Variants in HDAC9 observed in about 807,000 individuals in gnomAD.
HDAC9 encodes the protein MEF-2 interacting transcription repressor (MITR) protein.
Under a neutral mutation model 139.4 loss-of-function variants are expected in HDAC9, and 41 were observed. That is an observed-to-expected ratio of 0.29 (90% CI 0.23 to 0.38). The LOEUF (loss-of-function observed/expected upper bound fraction) is 0.38. HDAC9 is among the 10% of genes least tolerant of loss of function. HDAC9 has a pLI of 1.00. For synonymous variants in HDAC9, 517 were observed against 476.2 expected (o/e 1.09, Z -1.12); for missense variants, 1,147 against 1,297.0 (o/e 0.88, Z 1.78).
chr7:18,762,098 C>G (rs889814712), intron 14 of HDAC9, 59 bp from the exon 15 acceptor site: 2 of 1,594,620 alleles, frequency 1.3e-6, no homozygotes, highest in African/African-American at 1.3e-5. Context: ...GACTTGGGGT[C>G]TCATTTTCTT....
intron 1 of HDAC9, among the ~76,000 whole-genome samples, chr7:18,118,094 C>T (rs1383904964): frequency 6.6e-6 from 1 of 152,186 alleles, no homozygotes; most frequent in Non-Finnish European, 1.5e-5. Flanking sequence ...GGGAGTTTAA[C>T]CCCATAGTAA....
intron 1 of HDAC9, among the ~76,000 whole-genome samples, chr7:18,403,732 A>G (rs145620943): frequency 7.4e-4 from 112 of 152,332 alleles, no homozygotes; most frequent in African/African-American, 2.6e-3. Context: ...AGCAAGGCAA[A>G]AACAGTTCTT....
intron 1 of HDAC9, among the ~76,000 whole-genome samples, chr7:18,398,762 A>G (rs755883363): frequency 7.2e-5 from 11 of 152,252 alleles, no homozygotes; most frequent in South Asian, 2.1e-4. Context: ...TATATGCTGT[A>G]TTTTAGCCCC....
intron 1 of HDAC9, among the ~76,000 whole-genome samples, chr7:18,365,406 G>C (rs928825728): frequency 6.6e-6 from 1 of 152,092 alleles, no homozygotes; most frequent in Non-Finnish European, 1.5e-5. Flanking sequence ...GGGAGACATA[G>C]TAGTGTATGC....
intron 1 of HDAC9, among the ~76,000 whole-genome samples, chr7:18,438,082 ATAAT>A (rs1562987162): frequency 6.7e-6 from 1 of 150,328 alleles, no homozygotes; most frequent in African/African-American, 2.4e-5. Context: ...GTTTATATAT[ATAAT>A]AAATTTATTA....
At chr7:18,688,276 A>T (rs188785872) in intron 12 of HDAC9, among the ~76,000 whole-genome samples, 2 of 151,972 alleles carry the variant, frequency 1.3e-5, no homozygotes, top group East Asian at 3.9e-4. Context: ...GCTGTTTTAT[A>T]AAGCTCAGTC....
At chr7:18,267,925 A>G (rs757271592) in intron 2 of HDAC9, among the ~76,000 whole-genome samples, 34 of 152,122 alleles carry the variant, frequency 2.2e-4, no homozygotes, top group Non-Finnish European at 3.7e-4. Flanking sequence ...CACTCTTAAA[A>G]TACCAACAAA....
intron 1 of HDAC9, among the ~76,000 whole-genome samples, chr7:18,481,557 G>C (rs1586199323): frequency 6.6e-6 from 1 of 152,052 alleles, no homozygotes; most frequent in East Asian, 1.9e-4. Context: ...GAGTACCAGG[G>C]TATTTTTGTC....
chr7:18,655,378 A>G (rs564270723), intron 11 of HDAC9, among the ~76,000 whole-genome samples: 2 of 152,306 alleles, frequency 1.3e-5, no homozygotes, highest in East Asian at 1.9e-4. Context: ...TTATCTATCT[A>G]TAGAGGTTTA....
intron 2 of HDAC9, among the ~76,000 whole-genome samples, chr7:18,186,321 A>G (rs1028429740): frequency 6.6e-6 from 1 of 152,240 alleles, no homozygotes; most frequent in Non-Finnish European, 1.5e-5. Context: ...CCAAAAAGAC[A>G]GTCTTGATAT....
chr7:18,801,997 C>T (rs562882875), intron 17 of HDAC9, among the ~76,000 whole-genome samples: 60 of 151,896 alleles, frequency 4.0e-4, no homozygotes, highest in Non-Finnish European at 8.0e-4. Flanking sequence ...TCTCTAATTC[C>T]TGTAGAGCAA....
chr7:18,599,470 C>T (rs1267717602), intron 6 of HDAC9, among the ~76,000 whole-genome samples: 2 of 152,116 alleles, frequency 1.3e-5, no homozygotes, highest in African/African-American at 2.4e-5. Context: ...TTCATCCTCC[C>T]CCCACCCAAC....
intron 1 of HDAC9, among the ~76,000 whole-genome samples, chr7:18,161,608 T>G (rs1418657294): frequency 6.6e-6 from 1 of 152,200 alleles, no homozygotes; most frequent in Non-Finnish European, 1.5e-5. Context: ...AGAAAGTCCC[T>G]TAAATTCCTT....
At chr7:18,668,685 A>T (rs1795451510) in intron 12 of HDAC9, 1 of 977,304 alleles carries the variant, frequency 1.0e-6, no homozygotes, top group Non-Finnish European at 1.2e-6. Flanking sequence ...CTTAGAATTA[A>T]TTGATAAATG....
chr7:18,992,871 C>G (rs776708772), intron 25 of HDAC9, among the ~76,000 whole-genome samples: 6 of 152,156 alleles, frequency 3.9e-5, no homozygotes, highest in African/African-American at 7.2e-5. Context: ...AACCATTATA[C>G]TAAAATTTAT....
At chr7:18,553,877 A>G (rs952374457) in intron 2 of HDAC9, among the ~76,000 whole-genome samples, 3 of 152,126 alleles carry the variant, frequency 2.0e-5, no homozygotes, top group African/African-American at 7.2e-5. Flanking sequence ...GATGGGAGTA[A>G]TGGATAAGTT....
chr7:18,688,912 A>G (rs1406399595), intron 12 of HDAC9, among the ~76,000 whole-genome samples: 1 of 151,964 alleles, frequency 6.6e-6, no homozygotes, highest in African/African-American at 2.4e-5. Flanking sequence ...TTCCACTGAA[A>G]TAAGTTAAAA....
Position 18,847,681 on chromosome 7 carries a change from G to A in HDAC9, c.2684+11684G>A, listed in dbSNP as rs546798785. On this transcript the variant is annotated intron_variant, in intron 21 of 25. Transcript: ENST00000686413. ...CAGTTTGAAGCCAAGAAGCAAAAAC[G>A]AGGAAGTCTCCCCCTGAGGGGTCAG... Among the ~76,000 whole-genome samples, 11 of 152,344 alleles carry A rather than the reference G, an allele frequency of 7.2e-5. No individual in the cohort carries two copies. In the East Asian group the frequency reaches 1.9e-3, roughly 27 times the overall value.
intron 6 of HDAC9, among the ~76,000 whole-genome samples, chr7:18,618,744 A>G (rs1329326185): frequency 1.4e-5 from 2 of 138,474 alleles, no homozygotes; most frequent in Non-Finnish European, 3.0e-5. Flanking sequence ...ATATATATAT[A>G]TATATATATA....
Sources: gnomAD v4.1 joint callset for allele counts (sites outside exome capture counted in the v4.1 genomes callset) on GRCh38, gnomAD v4.1.1 for gene constraint, MANE v1.5 for transcripts, NCBI Gene and HGNC (gene_info 2026-07-23, HGNC 2026-07-21) for gene names.